The following PSD2 variants were observed in gnomAD, a reference collection of about 807,000 sequenced individuals.
PSD2 encodes the protein pleckstrin and Sec7 domain containing 2, also known as PH and SEC7 domain-containing protein 2.
In PSD2, 38 loss-of-function variants were observed where a neutral mutation model predicts 69.8. The observed-to-expected ratio is 0.54, with a 90% CI of 0.42 to 0.71. The LOEUF is 0.71. PSD2 is among the 30% of genes least tolerant of loss of function. The pLI, the probability that PSD2 is intolerant of heterozygous loss-of-function variation, is 0.00. For missense variants in PSD2, 943 were observed against 1,014.5 expected (o/e 0.93, Z 0.96); for synonymous variants, 412 against 423.0 (o/e 0.97, Z 0.32).
the PSD2 span, among the ~76,000 whole-genome samples, chr5:139,782,637 C>T: frequency 3.3e-5 from 5 of 151,902 alleles, no homozygotes; most frequent in African/African-American, 7.3e-5. Flanking sequence ...GGACTACAGG[C>T]GCATGCCACT....
At chr5:139,754,993 G>A in the PSD2 span, among the ~76,000 whole-genome samples, 646 of 152,316 alleles carry the variant, frequency 4.2e-3, 3 homozygotes, top group Admixed American at 8.7e-3. Flanking sequence ...GCCCCCAAGG[G>A]AATCCACATG....
the PSD2 span, among the ~76,000 whole-genome samples, chr5:139,788,354 G>A: frequency 0.071 from 10,864 of 152,282 alleles, 458 homozygotes; most frequent in Non-Finnish European, 0.092. Context: ...GGAGGAGCGC[G>A]TGGGTTAAGG....
chr5:139,837,702 C>T lies in PSD2; in HGVS notation c.1743C>T (p.Thr581=). Residue 581 remains threonine, a synonymous_variant, in exon 12 of 15, where the codon ACC becomes ACT. Transcript: ENST00000274710. The surrounding 1 kb of genome is among the most constrained non-coding windows in gnomAD (Gnocchi z 5.0). ...NAIRVHHALA[T]RASDYSKKSN... ...TTCGCGTGCATCACGCTCTGGCCAC[C>T]AGGGCCTCTGACTACAGCAAGAAGT... 1 of 1,614,092 alleles carries T rather than the reference C, an allele frequency of 6.2e-7. No individual in the cohort carries two copies. The highest frequency in any genetic ancestry group is 8.5e-7 in the Non-Finnish European group (1 of 1,179,960).
intron 5 of PSD2, 109 bp downstream of exon 5, chr5:139,817,670 G>A: frequency 1.1e-6 from 1 of 931,126 alleles, no homozygotes; most frequent in Non-Finnish European, 1.7e-6. Flanking sequence ...CAAGTCTTTT[G>A]ACCCCTGGTG....
chr5:139,750,383 G>A, the PSD2 span, among the ~76,000 whole-genome samples: 2 of 151,976 alleles, frequency 1.3e-5, no homozygotes, highest in Admixed American at 1.3e-4. Flanking sequence ...ACTCCAAACT[G>A]CCCAGCCTCC....
At chr5:139,803,130 T>C (rs543738755) in intron 1 of PSD2, among the ~76,000 whole-genome samples, 1 of 152,218 alleles carries the variant, frequency 6.6e-6, no homozygotes, top group South Asian at 2.1e-4. Flanking sequence ...AAGATAGGAG[T>C]GAGCCTGGCC....
At chr5:139,765,211 T>A in the PSD2 span, among the ~76,000 whole-genome samples, 3 of 152,120 alleles carry the variant, frequency 2.0e-5, no homozygotes, top group South Asian at 6.2e-4. Flanking sequence ...CTTCCAGTTC[T>A]TCCCAGCACA....
Position 139,818,375 on chromosome 5 carries a change from T to A in PSD2, c.1097+814T>A, listed in dbSNP as rs1188124037. On this transcript the variant is annotated intron_variant, in intron 5 of 14. Transcript: ENST00000274710. ...GCCTGGGCAACATAGGGAGGCCCAG[T>A]CTCTACAAAAAAGTAGAAAAATTAG... Among the ~76,000 whole-genome samples, 7 of 152,144 alleles carry A rather than the reference T, an allele frequency of 4.6e-5. No individual in the cohort carries two copies. The East Asian group carries it at 1.4e-3, about 29-fold the overall frequency.
Position 139,807,538 on chromosome 5 carries a change from C to A in PSD2, c.-50-1853C>A, listed in dbSNP as rs113636749. On this transcript the variant is annotated intron_variant, in intron 1 of 14. Transcript: ENST00000274710. ...TCTCCGATGTCCTAGGATCAGGGCCCAGATATTTTAGAGCCTGGCTTTTGA... is the reference window on the plus strand; with the variant it reads ...TCTCCGATGTCCTAGGATCAGGGCCAAGATATTTTAGAGCCTGGCTTTTGA... 2.6e-3 allele frequency among the ~76,000 whole-genome samples: 396 copies of A among 152,244 alleles called. 2 individuals are homozygous for A. Among genetic ancestry groups the A allele is most frequent in the African/African-American group, 9.1e-3 (377 of 41,518 alleles).
chr5:139,840,804 G>T (rs560553318), intron 14 of PSD2, among the ~76,000 whole-genome samples: 1 of 151,922 alleles, frequency 6.6e-6, no homozygotes, highest in Non-Finnish European at 1.5e-5. Context: ...CACCTGCCTC[G>T]GCCTCCCAAA....
intron 12 of PSD2, among the ~76,000 whole-genome samples, chr5:139,838,346 C>T (rs1760789919): frequency 6.6e-6 from 1 of 152,154 alleles, no homozygotes; most frequent in Non-Finnish European, 1.5e-5. Context: ...TCCACAGTCA[C>T]TCCCACCTAT....
At chr5:139,833,854 G>T in intron 8 of PSD2, 63 bp downstream of exon 8, 2 of 1,259,716 alleles carry the variant, frequency 1.6e-6, no homozygotes, top group Non-Finnish European at 1.2e-6. Context: ...GAGGAGAGAG[G>T]TCTGTGCCTC....
chr5:139,794,312 A>G (rs1191953545), upstream of PSD2, among the ~76,000 whole-genome samples: 1 of 152,224 alleles, frequency 6.6e-6, no homozygotes, highest in East Asian at 1.9e-4. Context: ...TGAGAATTAA[A>G]TATGACACAT....
chr5:139,761,827 C>T, the PSD2 span, among the ~76,000 whole-genome samples: 1 of 152,050 alleles, frequency 6.6e-6, no homozygotes, highest in African/African-American at 2.4e-5. Context: ...GGTCAGGAAC[C>T]CCTGGCTGTC....
At chr5:139,801,221 A>G (rs1209866246) in intron 1 of PSD2, among the ~76,000 whole-genome samples, 1 of 149,130 alleles carries the variant, frequency 6.7e-6, no homozygotes, top group Non-Finnish European at 1.5e-5. Flanking sequence ...AAAAAAAAAG[A>G]TCTCTCCTTC....
At chr5:139,782,533 C>T in the PSD2 span, among the ~76,000 whole-genome samples, 1 of 142,908 alleles carries the variant, frequency 7.0e-6, no homozygotes, top group South Asian at 2.2e-4. Context: ...CACTCCATAG[C>T]CCAGGCTGGA....
the PSD2 span, among the ~76,000 whole-genome samples, chr5:139,768,583 C>T: frequency 2.0e-5 from 3 of 152,086 alleles, no homozygotes; most frequent in Non-Finnish European, 4.4e-5. Flanking sequence ...ATTAGCTGGG[C>T]TTGGTGGCGC....
chr5:139,755,342 C>T, the PSD2 span, among the ~76,000 whole-genome samples: 1 of 152,042 alleles, frequency 6.6e-6, no homozygotes, highest in East Asian at 1.9e-4. Context: ...GTTCCAGAGA[C>T]GCTAGTGGGG....
At chr5:139,765,410 T>A in the PSD2 span, among the ~76,000 whole-genome samples, 1 of 151,958 alleles carries the variant, frequency 6.6e-6, no homozygotes, top group Non-Finnish European at 1.5e-5. Context: ...CCCAGTGCCC[T>A]CCTATTAATC....
Sources: allele counts gnomAD v4.1 joint callset (sites outside exome capture counted in the v4.1 genomes callset), GRCh38; gene constraint gnomAD v4.1.1; non-coding constraint Gnocchi (gnomAD v3.1); transcripts MANE v1.5; gene names NCBI Gene and HGNC (gene_info 2026-07-23, HGNC 2026-07-21).